The following PDE1A variants were observed in gnomAD, a reference collection of about 807,000 sequenced individuals.
The protein encoded by PDE1A is dual specificity calcium/calmodulin-dependent 3',5'-cyclic nucleotide phosphodiesterase 1A.
PDE1A carries 35 observed loss-of-function variants against 61.7 expected under a neutral mutation model. That is an observed-to-expected ratio of 0.57 (90% CI 0.43 to 0.75). The LOEUF is 0.75. Among genes scored for constraint, PDE1A ranks in the 30% least tolerant of loss-of-function variants. PDE1A has a pLI of 0.00. For missense variants in PDE1A, 597 were observed against 630.6 expected (o/e 0.95, Z 0.57); for synonymous variants, 232 against 213.2 (o/e 1.09, Z -0.77).
chr2:182,471,954 A>G (rs1468564274), intron 2 of PDE1A, among the ~76,000 whole-genome samples: 1 of 151,938 alleles, frequency 6.6e-6, no homozygotes, highest in African/African-American at 2.4e-5. Flanking sequence ...AAGCATATGA[A>G]AAAATGTTCA....
the PDE1A span, among the ~76,000 whole-genome samples, chr2:182,557,259 A>G: frequency 6.6e-6 from 1 of 152,202 alleles, no homozygotes; most frequent in African/African-American, 2.4e-5. Context: ...CAAACAAAAA[A>G]AGAATACATT....
chr2:182,343,829 T>C (rs1267968738), intron 1 of PDE1A, among the ~76,000 whole-genome samples: 2 of 151,960 alleles, frequency 1.3e-5, no homozygotes, highest in African/African-American at 2.4e-5. Context: ...AAGACCACAT[T>C]ACTATGTCCA....
intron 1 of PDE1A, among the ~76,000 whole-genome samples, chr2:182,340,860 T>G (rs1163415076): frequency 6.6e-6 from 1 of 152,202 alleles, no homozygotes; most frequent in Admixed American, 6.5e-5. Context: ...TGTAGAATCA[T>G]GGATAAATCA....
chr2:182,311,880 T>C (rs2577661), intron 1 of PDE1A, among the ~76,000 whole-genome samples: 47,205 of 151,902 alleles, frequency 0.31, 7,632 homozygotes, highest in Middle Eastern at 0.42. Flanking sequence ...TGTACTATTT[T>C]GTATGCCCAA....
intron 1 of PDE1A, among the ~76,000 whole-genome samples, chr2:182,374,891 A>G (rs1388802066): frequency 6.6e-6 from 1 of 152,230 alleles, no homozygotes; most frequent in Non-Finnish European, 1.5e-5. Flanking sequence ...AAGCCTCACA[A>G]TCATGGTGGA....
the PDE1A span, among the ~76,000 whole-genome samples, chr2:182,648,181 A>T: frequency 6.6e-6 from 1 of 152,202 alleles, no homozygotes; most frequent in Non-Finnish European, 1.5e-5. Flanking sequence ...GTTCCTCATC[A>T]GGTAAGTTTG....
chr2:182,318,239 C>G (rs926430244), intron 1 of PDE1A, among the ~76,000 whole-genome samples: 1 of 152,058 alleles, frequency 6.6e-6, no homozygotes, highest in South Asian at 2.1e-4. Context: ...AATTTCAATC[C>G]CTATAGTTTG....
chr2:182,511,647 C>T lies in PDE1A; in HGVS notation c.101+10629G>A, dbSNP rs138796025. On this transcript the variant is annotated intron_variant, in intron 2 of 14. Coordinates refer to the PDE1A transcript ENST00000410103. ...AGGCCTGCCATGCTATGCTAACAGG[C>T]TTTGGCTTGTGTTGACTCAAATCTA... is the stretch of plus-strand genomic sequence containing the variant. 9.2e-4 allele frequency among the ~76,000 whole-genome samples: 140 copies of T among 152,280 alleles called. 1 individual carries two copies. Among genetic ancestry groups the T allele is most frequent in the African/African-American group, 3.3e-3 (139 of 41,552 alleles).
chr2:182,469,738 A>G (rs1246174196), intron 2 of PDE1A, among the ~76,000 whole-genome samples: 1 of 151,928 alleles, frequency 6.6e-6, no homozygotes, highest in Non-Finnish European at 1.5e-5. Flanking sequence ...CTTTTGATTT[A>G]AAGTGAGAAA....
the PDE1A span, among the ~76,000 whole-genome samples, chr2:182,540,183 G>T: frequency 6.6e-6 from 1 of 151,924 alleles, no homozygotes; most frequent in African/African-American, 2.4e-5. Context: ...GGCCAACATG[G>T]TGAAACACCG....
chr2:182,437,411 AT>A (rs1172505357), intron 2 of PDE1A, among the ~76,000 whole-genome samples: 24 of 152,076 alleles, frequency 1.6e-4, no homozygotes, highest in African/African-American at 5.3e-4. Flanking sequence ...ACTTCATAAG[AT>A]GTTTCACCTT....
At chr2:182,247,294 G>C (rs1574139078) in intron 2 of PDE1A, among the ~76,000 whole-genome samples, 1 of 152,002 alleles carries the variant, frequency 6.6e-6, no homozygotes, top group African/African-American at 2.4e-5. Context: ...CTTTAGCCAA[G>C]AAACTCAGTA....
the PDE1A span, chr2:182,716,355 G>C: frequency 5.2e-5 from 8 of 152,398 alleles, no homozygotes; most frequent in African/African-American, 1.9e-4. Context: ...CCCGTGCGCC[G>C]CGGCTGGGCC....
intron 1 of PDE1A, among the ~76,000 whole-genome samples, chr2:182,424,846 ATCAG>A (rs1444492840): frequency 6.6e-6 from 1 of 152,192 alleles, no homozygotes; most frequent in Admixed American, 6.5e-5. Flanking sequence ...TTAATCTGTT[ATCAG>A]TCAAAGACCC....
the PDE1A span, among the ~76,000 whole-genome samples, chr2:182,620,741 T>C: frequency 6.6e-6 from 1 of 152,218 alleles, no homozygotes; most frequent in Non-Finnish European, 1.5e-5. Context: ...TTTCTTTCTT[T>C]CCTCAAATTC....
chr2:182,566,380 G>A, the PDE1A span, among the ~76,000 whole-genome samples: 56 of 151,372 alleles, frequency 3.7e-4, no homozygotes, highest in African/African-American at 6.5e-4. Flanking sequence ...TCAATATTTC[G>A]AAATAATTAA....
At chr2:182,299,156 G>A (rs1695073056) in intron 1 of PDE1A, among the ~76,000 whole-genome samples, 1 of 151,862 alleles carries the variant, frequency 6.6e-6, no homozygotes, top group Non-Finnish European at 1.5e-5. Flanking sequence ...AGGTGTGTTG[G>A]ATACCAAGAG....
the PDE1A span, among the ~76,000 whole-genome samples, chr2:182,697,057 A>C: frequency 0.023 from 3,512 of 152,292 alleles, 76 homozygotes; most frequent in East Asian, 0.083. Flanking sequence ...GAGAAATGTC[A>C]AAAGGCCAAA....
Position 182,411,133 on chromosome 2 carries a change from C to T in PDE1A, c.53+15445G>A, listed in dbSNP as rs543945288. Reference sequence around the variant, plus strand: ...ACCCTAGAAGACCCTTTCATGTTCACTTTAAGTGGTTCCAAGGATAACCAC... The same window carrying T: ...ACCCTAGAAGACCCTTTCATGTTCATTTTAAGTGGTTCCAAGGATAACCAC... On this transcript the variant is annotated intron_variant, in intron 1 of 13. Coordinates refer to ENST00000351439, the Ensembl canonical transcript of PDE1A. Among the ~76,000 whole-genome samples the T allele has an allele frequency of 2.0e-5, 3 of 152,326 alleles. No homozygotes were observed. In the South Asian group the frequency reaches 6.2e-4, roughly 32 times the overall value.
Sources: allele counts gnomAD v4.1 joint callset (sites outside exome capture counted in the v4.1 genomes callset), GRCh38; gene constraint gnomAD v4.1.1; transcripts MANE v1.5; gene names NCBI Gene and HGNC (gene_info 2026-07-23, HGNC 2026-07-21).